Variants in DLGAP3 observed in about 807,000 individuals in gnomAD.
The protein encoded by DLGAP3 is disks large-associated protein 3.
In DLGAP3, 17 loss-of-function variants were observed where a neutral mutation model predicts 81.2. That is an observed-to-expected ratio of 0.21 (90% confidence interval 0.14 to 0.31). The LOEUF (loss-of-function observed/expected upper bound fraction) is 0.31, where lower values mean the gene tolerates loss of function less well. Among genes scored for constraint, DLGAP3 ranks in the 10% least tolerant of loss-of-function variants. DLGAP3 has a pLI of 1.00. For missense variants in DLGAP3, 1,124 were observed against 1,388.0 expected (o/e 0.81, Z 3.02); for synonymous variants, 577 against 587.4 (o/e 0.98, Z 0.26).
chr1:34,879,997 GT>G (rs1639121436), intron 8 of DLGAP3, among the ~76,000 whole-genome samples: 1 of 152,112 alleles, frequency 6.6e-6, no homozygotes, highest in Non-Finnish European at 1.5e-5. Flanking sequence ...CAAAAAACTA[GT>G]TTTTTTCAAA....
At chr1:34,917,917 C>A (rs1639741277) in intron 1 of DLGAP3, among the ~76,000 whole-genome samples, 1 of 152,178 alleles carries the variant, frequency 6.6e-6, no homozygotes, top group Non-Finnish European at 1.5e-5. Context: ...GCTCAGCCTG[C>A]CTGTGATGGA....
intron 5 of DLGAP3, among the ~76,000 whole-genome samples, chr1:34,892,948 G>A (rs1430848542): frequency 6.6e-6 from 1 of 151,924 alleles, no homozygotes; most frequent in Non-Finnish European, 1.5e-5. Context: ...CGAGGTGGGT[G>A]GATCATGAGG....
chr1:34,882,000 T>A (rs929125756), intron 8 of DLGAP3, among the ~76,000 whole-genome samples: 4 of 152,132 alleles, frequency 2.6e-5, no homozygotes, highest in Admixed American at 6.5e-5. Flanking sequence ...TCCTATTCAA[T>A]GCAATATTAC....
chr1:34,899,087 CTTTTT>C (rs58075518), intron 5 of DLGAP3, among the ~76,000 whole-genome samples: 5 of 142,108 alleles, frequency 3.5e-5, no homozygotes, highest in Non-Finnish European at 6.1e-5. Flanking sequence ...ATCAATTCTA[CTTTTT>C]TTTTTTTTTT....
chr1:34,924,296 G>A (rs1340660975), intron 1 of DLGAP3, among the ~76,000 whole-genome samples: 1 of 151,968 alleles, frequency 6.6e-6, no homozygotes, highest in Non-Finnish European at 1.5e-5. Flanking sequence ...CCACTGCCCT[G>A]TCTCCAGTAG....
Position 34,885,726 on chromosome 1 carries a change from T to C in DLGAP3, c.1666A>G (p.Ile556Val), listed in dbSNP as rs888371668. The C allele has an allele frequency of 1.1e-5, 15 of 1,417,308 alleles. No homozygotes were observed. The highest frequency in any genetic ancestry group is 1.5e-5 in the African/African-American group (1 of 66,678). 87.8% of individuals were successfully genotyped at this position (1,417,308 alleles called of 1,614,324 possible). Residue 556 changes from isoleucine (I) to valine (V), a missense_variant, in exon 7 of 12, where the codon ATC becomes GTC. By Grantham distance (29) the Ile-to-Val change is conservative. Coordinates refer to ENST00000373347, the MANE Select transcript of DLGAP3 (RefSeq NM_001080418.3). ...PGSQAPPRIS[I>V]TAQSSTDSAH... The stretch of plus-strand genomic sequence containing the variant: ...GAGTCGGTGCTGCTCTGGGCGGTGA[T>C]GGAGATGCGGGGCGGGGCCTGGCTT...
rs774747027 is a variant in DLGAP3, at chr1:34,868,823, G to A, written c.2267C>T (p.Pro756Leu). ...GGGGGTGGGGGCGGGGGCAGGGCCGGGCGACCCATCGGTGGCCGGCGGCTC... is the reference window on the plus strand; with the variant it reads ...GGGGGTGGGGGCGGGGGCAGGGCCGAGCGACCCATCGGTGGCCGGCGGCTC... ...PYEPPATDGS[P>L]GPAPAPTPGP... Residue 756 changes from proline (P) to leucine (L), a missense_variant, in exon 9 of 12, where the codon CCC becomes CTC. Transcript: ENST00000373347. The surrounding 1 kb of genome is among the most constrained non-coding windows in gnomAD (Gnocchi z 7.5). 6.3e-7 allele frequency: 1 copy of A among 1,580,858 alleles called. No homozygotes were observed. The highest frequency in any genetic ancestry group is 1.1e-5 in the South Asian group (1 of 88,968).
At chr1:34,876,797 C>T (rs1161991857) in intron 8 of DLGAP3, among the ~76,000 whole-genome samples, 1 of 152,150 alleles carries the variant, frequency 6.6e-6, no homozygotes, top group Non-Finnish European at 1.5e-5. Flanking sequence ...TCACCAAGCA[C>T]TTACACAAGA....
intron 8 of DLGAP3, among the ~76,000 whole-genome samples, chr1:34,877,638 TGGAA>T (rs1451620550): frequency 1.1e-4 from 16 of 152,236 alleles, no homozygotes; most frequent in African/African-American, 1.7e-4. Context: ...AAACATAACA[TGGAA>T]GATGGGAGGA....
At chr1:34,917,474 G>A (rs1174067618) in intron 1 of DLGAP3, among the ~76,000 whole-genome samples, 1 of 150,602 alleles carries the variant, frequency 6.6e-6, no homozygotes, top group Non-Finnish European at 1.5e-5. Flanking sequence ...CAGCCTCCCA[G>A]GTAGCTGGGA....
At chr1:34,920,233 G>A (rs1242596610) in intron 1 of DLGAP3, among the ~76,000 whole-genome samples, 1 of 152,160 alleles carries the variant, frequency 6.6e-6, no homozygotes, top group African/African-American at 2.4e-5. Flanking sequence ...TTCAAGACCT[G>A]GCTCCCAACT....
chr1:34,926,564 G>A (rs1439621572), intron 1 of DLGAP3, among the ~76,000 whole-genome samples: 1 of 152,192 alleles, frequency 6.6e-6, no homozygotes, highest in Non-Finnish European at 1.5e-5. Flanking sequence ...AAGTGGGAAT[G>A]AAATCAGAAT....
intron 8 of DLGAP3, among the ~76,000 whole-genome samples, chr1:34,876,742 C>G (rs1639065498): frequency 6.6e-6 from 1 of 152,190 alleles, no homozygotes; most frequent in African/African-American, 2.4e-5. Context: ...TCTTTCGATG[C>G]TTATTCAACA....
At chr1:34,908,946 A>T (rs1160636306) in intron 1 of DLGAP3, among the ~76,000 whole-genome samples, 1 of 152,218 alleles carries the variant, frequency 6.6e-6, no homozygotes, top group Non-Finnish European at 1.5e-5. Context: ...TTGTTGAAAA[A>T]GCACCTGGAA....
intron 1 of DLGAP3, among the ~76,000 whole-genome samples, chr1:34,912,604 G>A (rs1200148757): frequency 2.6e-5 from 4 of 152,182 alleles, no homozygotes; most frequent in African/African-American, 9.7e-5. Flanking sequence ...TTCCAACACA[G>A]CAGAACTTCC....
At chr1:34,925,249 G>C (rs1477033003) in intron 1 of DLGAP3, 5 of 152,406 alleles carry the variant, frequency 3.3e-5, no homozygotes, top group Non-Finnish European at 5.9e-5. Context: ...GCTTCCCTGA[G>C]GGAACCTTGA....
intron 8 of DLGAP3, among the ~76,000 whole-genome samples, chr1:34,870,336 G>C (rs557045723): frequency 3.0e-4 from 46 of 152,250 alleles, no homozygotes; most frequent in Admixed American, 6.5e-4. Context: ...GAAGATCAAG[G>C]TTTGGAAATT....
chr1:34,925,775 G>C (rs145917027), intron 1 of DLGAP3, among the ~76,000 whole-genome samples: 5 of 152,034 alleles, frequency 3.3e-5, no homozygotes. Context: ...TTGGGCCCCC[G>C]ACACCATCCC....
rs1265224364 is a variant in DLGAP3 at position 34,904,200 on chromosome 1, AC to A, written c.1107+76del. On this transcript the variant is annotated intron_variant, in intron 3 of 11. Transcript: ENST00000373347. The surrounding 1 kb of genome is among the most constrained non-coding windows in gnomAD (Gnocchi z 8.1). ...CACAGGGACAGCTGGCTCCCACCCAACCCTTTCCACTGCTCCCTAGTTGACA... is the reference window on the plus strand; with the variant it reads ...CACAGGGACAGCTGGCTCCCACCCAACCTTTCCACTGCTCCCTAGTTGACA... 6.4e-7 allele frequency: 1 copy of A among 1,572,208 alleles called. No homozygotes were observed. Among genetic ancestry groups the A allele is most frequent in the East Asian group, 2.2e-5 (1 of 44,750 alleles).
Sources: gnomAD v4.1 joint callset for allele counts (sites outside exome capture counted in the v4.1 genomes callset) on GRCh38, gnomAD v4.1.1 for gene constraint, Gnocchi (gnomAD v3.1) non-coding constraint, MANE v1.5 for transcripts, NCBI Gene and HGNC (gene_info 2026-07-23, HGNC 2026-07-21) for gene names.